Variants in TRPV1 observed in about 807,000 individuals in gnomAD.
TRPV1 encodes the protein OTRPC1.
A neutral mutation model predicts 82.3 loss-of-function variants in TRPV1; 82 were observed. The ratio of observed to expected loss-of-function variants is 1.00; its 90% confidence interval spans 0.83 to 1.20. The LOEUF is 1.20. Among genes scored for constraint, TRPV1 ranks in the 50% most tolerant of loss-of-function variants. The pLI is 0.00. For missense variants in TRPV1, 1,067 were observed against 1,096.8 expected, an observed-to-expected ratio of 0.97 and a Z score of 0.38; for synonymous variants, 515 against 467.7, an observed-to-expected ratio of 1.10 and a Z score of -1.30.
chr17:3,572,152 T>A lies in TRPV1; in HGVS notation c.2201A>T (p.Asp734Val), dbSNP rs1293177093. The A allele has an allele frequency of 6.2e-7, 1 of 1,613,646 alleles. No individual in the cohort carries two copies. The highest frequency in any genetic ancestry group is 1.7e-5 in the Admixed American group (1 of 59,996). Reference sequence around the variant, plus strand: ...GCACCACCGGTAGTCGTCCTTGCCATCAGGTGTGTACCCCACCTGCAGCAG... The same window carrying A: ...GCACCACCGGTAGTCGTCCTTGCCAACAGGTGTGTACCCCACCTGCAGCAG... ...GKLLQVGYTP[D>V]GKDDYRWCFR... The change falls in exon 15 of 17, where the codon GAT becomes GTT. Residue 734 changes from aspartate (D) to valine (V), a missense_variant. Transcript: ENST00000572705.
In TRPV1 at chr17:3,583,445, G is replaced by A. The variant is rs199696617; in HGVS notation, c.1384-15C>T. On this transcript the variant is annotated splice_polypyrimidine_tract_variant and intron_variant, in intron 9 of 16. Transcript: ENST00000572705. ...TTAAAGGGAGGCTGTGAGATGCAGA[G>A]AAGTTGGTAACTCCATTTACTCATT... 57 of 1,576,260 alleles carry A rather than the reference G, an allele frequency of 3.6e-5. No homozygotes were observed. Among genetic ancestry groups the A allele is most frequent in the Non-Finnish European group, 4.9e-5 (57 of 1,156,356 alleles).
chr17:3,576,025 G>C (rs182480981), intron 13 of TRPV1, among the ~76,000 whole-genome samples: 32 of 150,690 alleles, frequency 2.1e-4, no homozygotes, highest in Admixed American at 4.6e-4. Flanking sequence ...AGGAGCTCAA[G>C]ACCAACATGA....
chr17:3,592,233 G>A lies in TRPV1; in HGVS notation c.118C>T (p.Leu40Phe). 1 of 1,611,376 alleles carries A rather than the reference G, an allele frequency of 6.2e-7. No homozygotes were observed. Among genetic ancestry groups the A allele is most frequent in the Non-Finnish European group, 8.5e-7 (1 of 1,178,776 alleles). Residue 40 changes from leucine to phenylalanine, a missense_variant, in exon 3 of 17, where the codon CTC becomes TTC. Physicochemically the swap from Leu to Phe is conservative, Grantham distance 22. Transcript: ENST00000572705. Reference protein sequence around the residue: ...NSRPPPAKPQLSTAKSRTRLF... With the variant: ...NSRPPPAKPQFSTAKSRTRLF... ...CGGGTGCGGCTCTTGGCCGTGGAGA[G>A]CTGGGGCTTGGCTGGAGGTGGCCTG...
intron 2 of TRPV1, among the ~76,000 whole-genome samples, chr17:3,599,425 C>T (rs1172487980): frequency 1.3e-5 from 2 of 152,066 alleles, no homozygotes; most frequent in East Asian, 3.9e-4. Context: ...ACCCATTAAA[C>T]ACTAACTCCC....
chr17:3,585,133 C>T (rs2075069068), intron 9 of TRPV1: 1 of 150,972 alleles, frequency 6.6e-6, no homozygotes. Flanking sequence ...TGTCCCGAGC[C>T]CAAATTCCTG....
intron 11 of TRPV1, chr17:3,578,133 C>T (rs530205482): frequency 3.4e-4 from 57 of 168,616 alleles, no homozygotes; most frequent in African/African-American, 9.0e-4. Context: ...TGAAGCCCCA[C>T]CTCTACTAAA....
At chr17:3,594,534 G>C (rs1185481287) in intron 2 of TRPV1, among the ~76,000 whole-genome samples, 3 of 152,182 alleles carry the variant, frequency 2.0e-5, no homozygotes, top group Non-Finnish European at 4.4e-5. Context: ...CTGTGAACAG[G>C]ACGGACGGCT....
chr17:3,587,594 G>A (rs1049250481), intron 8 of TRPV1, among the ~76,000 whole-genome samples: 100 of 152,116 alleles, frequency 6.6e-4, no homozygotes, highest in African/African-American at 2.0e-3. Context: ...CAAGGAGGGC[G>A]GATCACCTGA....
intron 10 of TRPV1, among the ~76,000 whole-genome samples, chr17:3,582,189 C>CAAAAAAAAAAAAAAAAAAAAG (rs2075029362): frequency 3.9e-5 from 1 of 25,902 alleles, no homozygotes; most frequent in Non-Finnish European, 7.3e-5. Flanking sequence ...GACTCCATCT[C>CAAAAAAAAAAAAAAAAAAAAG]AAAAAAAAAA....
At chr17:3,572,885 AGG>A (rs908295961) in intron 14 of TRPV1, among the ~76,000 whole-genome samples, 3 of 147,230 alleles carry the variant, frequency 2.0e-5, no homozygotes, top group African/African-American at 7.5e-5. Context: ...AGGGAGGCTG[AGG>A]CAGAAGAACC....
intron 14 of TRPV1, among the ~76,000 whole-genome samples, 155 bp downstream of exon 14, chr17:3,573,478 C>T (rs1347870128): frequency 6.6e-6 from 1 of 152,154 alleles, no homozygotes; most frequent in Non-Finnish European, 1.5e-5. Flanking sequence ...GGCTCATGTG[C>T]CCAGCTGGGT....
At chr17:3,594,150 AAAGAAGCAGC>A (rs1298962293) in intron 2 of TRPV1, among the ~76,000 whole-genome samples, 110 of 98,654 alleles carry the variant, frequency 1.1e-3, no homozygotes, top group African/African-American at 6.3e-3. Flanking sequence ...AAAAAAAAAA[AAAGAAGCAGC>A]AGCAGCAGCA....
At chr17:3,588,526 G>A (rs1050254304) in intron 7 of TRPV1, among the ~76,000 whole-genome samples, 159 bp from the exon 8 acceptor site, 6 of 152,112 alleles carry the variant, frequency 3.9e-5, no homozygotes, top group Non-Finnish European at 8.8e-5. Context: ...TCAACCAGCC[G>A]GCCGGGCACG....
chr17:3,588,202 T>A lies in TRPV1; in HGVS notation c.1210A>T (p.Ser404Cys), dbSNP rs1423275957. Reference protein sequence around the residue: ...NSVLEVIAYSSSETPNRHDML... With the variant: ...NSVLEVIAYSCSETPNRHDML... ...CAGCCACTCACAGGGGTCTCGCTGC[T>A]GCTGTAGGCGATCACCTCCAGCACC... is the stretch of plus-strand genomic sequence containing the variant. The change falls in exon 8 of 17, where the codon AGC (serine) becomes TGC (cysteine). Residue 404 changes from serine to cysteine, a missense_variant. By Grantham distance (112) the Ser-to-Cys change is moderately radical (BLOSUM62 -1). Coordinates refer to ENST00000572705, the MANE Select transcript of TRPV1 (RefSeq NM_080704.4). 6.4e-7 allele frequency: 1 copy of A among 1,564,886 alleles called. No homozygotes were observed. Among genetic ancestry groups the A allele is most frequent in the Non-Finnish European group, 8.7e-7 (1 of 1,155,094 alleles).
At position 3,593,116 on chromosome 17, in the gene TRPV1, GTGTGTGTGTGTGTGTGTGTGTC is replaced by G. The variant is rs1424432188; in HGVS notation, c.-33-755_-33-734del. On this transcript the variant is annotated intron_variant, in intron 2 of 16. Coordinates refer to ENST00000572705, the MANE Select transcript of TRPV1 (RefSeq NM_080704.4). ...TGTGTGTGTGTGTGTGTGTGTGTGT[GTGTGTGTGTGTGTGTGTGTGTC>G]TGTGTGTCTCACTCTGTCGCCCAGA... Among the ~76,000 whole-genome samples, 11 of 92,580 alleles carry G rather than the reference GTGTGTGTGTGTGTGTGTGTGTC, an allele frequency of 1.2e-4. No individual in the cohort carries two copies. The East Asian group carries it at 3.5e-3, about 29-fold the overall frequency. The allele number at this position is 92,580 out of a possible 152,430, so 60.7% of individuals were successfully genotyped here.
Position 3,566,590 on chromosome 17 carries a change from A to T in TRPV1, c.*225T>A, listed in dbSNP as rs1168108324. ...TTAGTAAAGTGAGTAAAAACCTGAA[A>T]GTCTGTTAGGAGATTCACTTGGGGA... On this transcript the variant is annotated 3_prime_UTR_variant, in exon 17 of 17. Coordinates refer to ENST00000572705, the MANE Select transcript of TRPV1 (RefSeq NM_080704.4). 2.0e-6 allele frequency: 1 copy of T among 489,962 alleles called. No homozygotes were observed. The highest frequency in any genetic ancestry group is 1.9e-5 in the African/African-American group (1 of 51,748). The allele number at this position is 489,962 out of a possible 1,614,324, so 30.4% of individuals were successfully genotyped here.
chr17:3,589,916 T>G lies in TRPV1; in HGVS notation c.935A>C (p.Glu312Ala), dbSNP rs1448859837. 8 of 1,591,456 alleles carry G rather than the reference T, an allele frequency of 5.0e-6. No homozygotes were observed. Among genetic ancestry groups the G allele is most frequent in the African/African-American group, 1.3e-5 (1 of 74,364 alleles). ...NTKFVTSMYN[E>A]ILMLGAKLHP... ...CAGTTTGGCCCCCAGCATCAGAATCTCATTGTACATGCTCGTCACAAACTT... is the reference window on the plus strand; with the variant it reads ...CAGTTTGGCCCCCAGCATCAGAATCGCATTGTACATGCTCGTCACAAACTT... The change falls in exon 7 of 17, where the codon GAG becomes GCG. Residue 312 changes from glutamate to alanine, a missense_variant. By Grantham distance (107) the Glu-to-Ala change is moderately radical. Transcript: ENST00000572705.
chr17:3,602,790 A>G (rs1179052684), intron 2 of TRPV1, among the ~76,000 whole-genome samples: 1 of 152,182 alleles, frequency 6.6e-6, no homozygotes, highest in Non-Finnish European at 1.5e-5. Context: ...GCCATCGGAG[A>G]CAAATTTCTT....
At chr17:3,582,203 A>AAAAAAAAAAAAAAC (rs1363999401) in intron 10 of TRPV1, among the ~76,000 whole-genome samples, 1 of 144,166 alleles carries the variant, frequency 6.9e-6, no homozygotes. Flanking sequence ...AAAAAAAAAA[A>AAAAAAAAAAAAAAC]AAAAAAAAAA....
Sources: allele counts gnomAD v4.1 joint callset (sites outside exome capture counted in the v4.1 genomes callset), GRCh38; gene constraint gnomAD v4.1.1; transcripts MANE v1.5; gene names NCBI Gene and HGNC (gene_info 2026-07-23, HGNC 2026-07-21).